Variants in CHRM3 observed in about 807,000 individuals in gnomAD.
The protein encoded by CHRM3 is muscarinic acetylcholine receptor M3.
Under a neutral mutation model 41.8 loss-of-function variants are expected in CHRM3, and 11 were observed. The ratio of observed to expected loss-of-function variants is 0.26; its 90% CI spans 0.17 to 0.44. CHRM3 has a LOEUF of 0.44. Ranked by LOEUF, CHRM3 falls within the 20% of genes least tolerant of loss-of-function variation. The probability of loss-of-function intolerance (pLI) is 1.00; values close to 1 mark genes in which losing one functional copy is unlikely to be tolerated. For synonymous variants in CHRM3, 297 were observed against 301.4 expected, an observed-to-expected ratio of 0.99 and a Z score of 0.15; for missense variants, 571 against 745.4, an observed-to-expected ratio of 0.77 and a Z score of 2.72.
At chr1:239,858,539 G>A (rs931350033) in intron 6 of CHRM3, among the ~76,000 whole-genome samples, 4 of 146,848 alleles carry the variant, frequency 2.7e-5, no homozygotes, top group Admixed American at 2.0e-4. Flanking sequence ...AAAAAAAAGA[G>A]AATAATTGTA....
At chr1:239,448,602 G>C (rs950738794) in intron 1 of CHRM3, among the ~76,000 whole-genome samples, 1 of 152,014 alleles carries the variant, frequency 6.6e-6, no homozygotes, top group Non-Finnish European at 1.5e-5. Context: ...TATGAGAAAA[G>C]GTTCCCCAAG....
At position 239,447,131 on chromosome 1, in the gene CHRM3, C is replaced by T. The variant is rs758538429; in HGVS notation, c.-520-45578C>T. ...TACGTGCAATCAATTTCATCACCAACTCAACTTTGAGTAGCATTTTCAAAT... is the reference window on the plus strand; with the variant it reads ...TACGTGCAATCAATTTCATCACCAATTCAACTTTGAGTAGCATTTTCAAAT... On this transcript the variant is annotated intron_variant, in intron 1 of 6. Transcript: ENST00000676153. Among the ~76,000 whole-genome samples, 14 of 152,134 alleles carry T rather than the reference C, an allele frequency of 9.2e-5. 1 individual carries two copies. Among genetic ancestry groups the T allele is most frequent in the Non-Finnish European group, 5.9e-5 (4 of 68,036 alleles).
intron 5 of CHRM3, among the ~76,000 whole-genome samples, chr1:239,767,257 A>G (rs959006448): frequency 5.3e-5 from 8 of 152,138 alleles, no homozygotes; most frequent in Admixed American, 5.2e-4. Flanking sequence ...TTAAATTGTT[A>G]ATTAAATATT....
intron 1 of CHRM3, among the ~76,000 whole-genome samples, chr1:239,419,172 C>G (rs1303729019): frequency 1.3e-5 from 2 of 152,090 alleles, no homozygotes; most frequent in African/African-American, 4.8e-5. Context: ...TCTCGTATTG[C>G]TTATCTCCAT....
In CHRM3 at chr1:239,731,939, G is replaced by T. The variant is rs16838841; in HGVS notation, c.-147+53651G>T. Among the ~76,000 whole-genome samples, 768 of 152,004 alleles carry T rather than the reference G, an allele frequency of 5.1e-3. 3 individuals carry two copies. Among genetic ancestry groups the T allele is most frequent in the African/African-American group, 0.018 (728 of 41,496 alleles). ...TATTAAGCTACATTATGGGAATTCT[G>T]GTTCTGAATTACAGAGAGTAAATGT... On this transcript the variant is annotated intron_variant, in intron 5 of 6. Coordinates refer to ENST00000676153, the MANE Select transcript of CHRM3 (RefSeq NM_001375978.1).
chr1:239,519,993 C>G (rs180683680), intron 2 of CHRM3, among the ~76,000 whole-genome samples: 1 of 152,028 alleles, frequency 6.6e-6, no homozygotes, highest in Non-Finnish European at 1.5e-5. Context: ...GTGATCTGCT[C>G]GCCTCGGCCT....
chr1:239,690,345 G>A (rs141982834), intron 5 of CHRM3, among the ~76,000 whole-genome samples: 4 of 152,026 alleles, frequency 2.6e-5, no homozygotes, highest in Admixed American at 6.6e-5. Flanking sequence ...TCAGTATCCC[G>A]AGTAGCTGGG....
chr1:239,911,363 C>T lies in CHRM3; in HGVS notation c.*2139C>T, dbSNP rs1680359949. On this transcript the variant is annotated 3_prime_UTR_variant, in exon 7 of 7. Transcript: ENST00000676153. ...TTTCTAATATGTACACAGCAAACTA[C>T]AGAATGTCATATTATCCACCTGTGA... is the stretch of plus-strand genomic sequence containing the variant. 1 of 166,766 alleles carries T rather than the reference C, an allele frequency of 6.0e-6. No homozygotes were observed. Among genetic ancestry groups the T allele is most frequent in the Admixed American group, 6.6e-5 (1 of 15,254 alleles). 10.3% of individuals were successfully genotyped at this position (166,766 alleles called of 1,614,324 possible). A position where few individuals can be genotyped will look rare whatever the true frequency, so the allele number is the denominator to read the frequency against.
intron 3 of CHRM3, among the ~76,000 whole-genome samples, chr1:239,561,609 A>G (rs1010553502): frequency 4.0e-5 from 6 of 151,828 alleles, no homozygotes; most frequent in African/African-American, 1.5e-4. Flanking sequence ...AGATAATAGT[A>G]ATAGTATCTA....
At chr1:239,400,217 T>C (rs1659851375) in intron 1 of CHRM3, among the ~76,000 whole-genome samples, 3 of 152,260 alleles carry the variant, frequency 2.0e-5, no homozygotes, top group Non-Finnish European at 2.9e-5. Flanking sequence ...CCGCTAGTTT[T>C]ATTTTTATAT....
At chr1:239,723,223 A>C (rs771923537) in intron 5 of CHRM3, among the ~76,000 whole-genome samples, 6 of 151,976 alleles carry the variant, frequency 3.9e-5, no homozygotes, top group Non-Finnish European at 5.9e-5. Flanking sequence ...TGCTAAATAC[A>C]TGAAACAATT....
At chr1:239,420,847 A>C (rs1661898650) in intron 1 of CHRM3, among the ~76,000 whole-genome samples, 1 of 152,174 alleles carries the variant, frequency 6.6e-6, no homozygotes, top group African/African-American at 2.4e-5. Flanking sequence ...ATACCATAAT[A>C]TTAAAACAAT....
chr1:239,396,454 A>T (rs1659486940), intron 1 of CHRM3, among the ~76,000 whole-genome samples: 1 of 152,032 alleles, frequency 6.6e-6, no homozygotes, highest in Admixed American at 6.6e-5. Context: ...TACAAAAATT[A>T]TTAAAAATCA....
At chr1:239,786,462 A>G (rs1269664536) in intron 5 of CHRM3, among the ~76,000 whole-genome samples, 1 of 152,206 alleles carries the variant, frequency 6.6e-6, no homozygotes, top group Non-Finnish European at 1.5e-5. Context: ...GCTGAGACCG[A>G]GAGAGGGTAA....
chr1:239,676,322 A>G (rs913916955), intron 4 of CHRM3, among the ~76,000 whole-genome samples: 12 of 152,020 alleles, frequency 7.9e-5, no homozygotes, highest in African/African-American at 2.9e-4. Flanking sequence ...GTTGCTGGAC[A>G]GTACAAAGTA....
At chr1:239,439,621 TCTA>T (rs1663549417) in intron 1 of CHRM3, among the ~76,000 whole-genome samples, 1 of 152,152 alleles carries the variant, frequency 6.6e-6, no homozygotes, top group East Asian at 1.9e-4. Context: ...AATCAACCAA[TCTA>T]CTACAAAAAA....
At chr1:239,462,315 A>G (rs1252500321) in intron 1 of CHRM3, among the ~76,000 whole-genome samples, 2 of 152,110 alleles carry the variant, frequency 1.3e-5, no homozygotes, top group Non-Finnish European at 2.9e-5. Context: ...TCCCTGGGTT[A>G]TACCAGGTTA....
chr1:239,808,583 C>T (rs924372957), intron 5 of CHRM3, among the ~76,000 whole-genome samples: 5 of 152,104 alleles, frequency 3.3e-5, no homozygotes, highest in South Asian at 2.1e-4. Flanking sequence ...AAATGCCTAG[C>T]GATAGTTTTT....
chr1:239,399,946 T>C (rs896625699), intron 1 of CHRM3, among the ~76,000 whole-genome samples: 2 of 152,190 alleles, frequency 1.3e-5, no homozygotes, highest in African/African-American at 4.8e-5. Context: ...AGAGTCTCAC[T>C]CTGTTGCCCA....
Sources: gnomAD v4.1 joint callset for allele counts (sites outside exome capture counted in the v4.1 genomes callset) on GRCh38, gnomAD v4.1.1 for gene constraint, MANE v1.5 for transcripts, NCBI Gene and HGNC (gene_info 2026-07-23, HGNC 2026-07-21) for gene names.